BPIFB2: variants seen among roughly 807,000 people sequenced by gnomAD.
BPIFB2 encodes the protein BPI fold containing family B member 2.
BPIFB2 carries 39 observed loss-of-function variants against 50.1 expected under a neutral mutation model. That is an observed-to-expected ratio of 0.78 (90% confidence interval 0.60 to 1.02). The LOEUF (loss-of-function observed/expected upper bound fraction) is 1.02, where lower values mean the gene tolerates loss of function less well. Among genes scored for constraint, BPIFB2 ranks in the 50% least tolerant of loss-of-function variants. The pLI is 0.00. For missense variants in BPIFB2, 574 were observed against 585.8 expected (o/e 0.98, Z 0.21); for synonymous variants, 280 against 256.3 (o/e 1.09, Z -0.88).
chr20:33,020,509 A>G (rs764461475), intron 12 of BPIFB2, 33 bp from the exon 13 acceptor site: 2 of 1,600,906 alleles, frequency 1.2e-6, no homozygotes, highest in South Asian at 2.2e-5. Flanking sequence ...GAGGTGCCAG[A>G]CCCTGTCCTG....
intron 13 of BPIFB2, 51 bp downstream of exon 13, chr20:33,020,638 C>A (rs754057923): frequency 1.3e-6 from 2 of 1,523,994 alleles, no homozygotes; most frequent in African/African-American, 1.4e-5. Context: ...GTAGGGCACA[C>A]CTTGAGCCTG....
intron 2 of BPIFB2, 47 bp from the exon 3 acceptor site, chr20:33,010,977 G>T (rs1444366924): frequency 6.6e-7 from 1 of 1,514,034 alleles, no homozygotes; most frequent in South Asian, 1.1e-5. Context: ...CTTGCTACTT[G>T]GTGGTTCCCG....
At chr20:33,020,819 T>A (rs1978636839) in intron 13 of BPIFB2, among the ~76,000 whole-genome samples, 1 of 152,220 alleles carries the variant, frequency 6.6e-6, no homozygotes, top group Non-Finnish European at 1.5e-5. Flanking sequence ...CATTGGTCAG[T>A]TGGACAAAGA....
chr20:33,012,634 C>T (rs1401495049), intron 3 of BPIFB2, among the ~76,000 whole-genome samples, 169 bp from the exon 4 acceptor site: 1 of 152,170 alleles, frequency 6.6e-6, no homozygotes, highest in African/African-American at 2.4e-5. Context: ...CCTTGGTTTG[C>T]ATGCCCCGTG....
Position 33,023,593 on chromosome 20 carries a change from T to G in BPIFB2, c.*210T>G. The G allele has an allele frequency of 2.3e-5, 14 of 616,592 alleles. No homozygotes were observed. The highest frequency in any genetic ancestry group is 5.0e-5 in the Admixed American group (2 of 40,308). 38.2% of individuals were successfully genotyped at this position (616,592 alleles called of 1,614,324 possible). ...CTTCCTCCTCCTCTTCTCCTCCCTC[T>G]TCCCTCATCTCCCCCCTCCTTCCTC... On this transcript the variant is annotated 3_prime_UTR_variant, in exon 16 of 16. Transcript: ENST00000170150.
intron 10 of BPIFB2, 136 bp downstream of exon 10, chr20:33,019,251 C>A: frequency 9.4e-7 from 1 of 1,062,660 alleles, no homozygotes; most frequent in Non-Finnish European, 1.4e-6. Context: ...ACTCCTCCAT[C>A]TTGGGGAGGC....
At chr20:33,017,985 A>G (rs1390979298) in intron 7 of BPIFB2, among the ~76,000 whole-genome samples, 2 of 152,172 alleles carry the variant, frequency 1.3e-5, no homozygotes, top group Non-Finnish European at 2.9e-5. Context: ...ACTTGGGGTC[A>G]CTAGTCTCCC....
intron 11 of BPIFB2, 56 bp downstream of exon 11, chr20:33,019,806 C>T (rs1362633251): frequency 6.7e-7 from 1 of 1,498,134 alleles, no homozygotes; most frequent in African/African-American, 1.4e-5. Context: ...ACCTCCCTCC[C>T]TGCTTCACTG....
chr20:33,008,776 A>G, intron 2 of BPIFB2, 93 bp downstream of exon 2: 1 of 1,060,566 alleles, frequency 9.4e-7, no homozygotes, highest in Non-Finnish European at 1.3e-6. Context: ...CAAAAGGCCC[A>G]TGAGGACCCA....
intron 13 of BPIFB2, among the ~76,000 whole-genome samples, 195 bp from the exon 14 acceptor site, chr20:33,021,086 A>G (rs1332214677): frequency 2.0e-5 from 3 of 152,186 alleles, no homozygotes; most frequent in Non-Finnish European, 2.9e-5. Context: ...GCGAAGGCTG[A>G]GCCAACCATG....
chr20:33,009,699 A>G lies in BPIFB2; in HGVS notation c.109+1016A>G, dbSNP rs531431851. 6.6e-6 allele frequency among the ~76,000 whole-genome samples: 1 copy of G among 152,364 alleles called. No individual in the cohort carries two copies. The highest frequency in any genetic ancestry group is 1.9e-4 in the East Asian group (1 of 5,174). ...ATGGATGCCTGCAGGTAGGGCCATG[A>G]GGCCCGCGCCCTCCGCCGCCTTCCT... On this transcript the variant is annotated intron_variant, in intron 2 of 15. Transcript: ENST00000170150. This position sits in a 1 kb window ranked among gnomAD's most constrained non-coding sequence, Gnocchi z 4.2.
chr20:33,020,953 G>A (rs1568979750), intron 13 of BPIFB2, among the ~76,000 whole-genome samples: 2 of 152,148 alleles, frequency 1.3e-5, no homozygotes, highest in Non-Finnish European at 2.9e-5. Context: ...CTGTCTGTCG[G>A]TCATCTGCGT....
chr20:33,012,155 T>G (rs576398027), intron 3 of BPIFB2, among the ~76,000 whole-genome samples: 2 of 152,164 alleles, frequency 1.3e-5, no homozygotes, highest in South Asian at 4.1e-4. Flanking sequence ...GGTGGAGAAC[T>G]GGACATAAAT....
chr20:33,022,482 C>A (rs1244530943), intron 15 of BPIFB2, among the ~76,000 whole-genome samples: 1 of 152,164 alleles, frequency 6.6e-6, no homozygotes, highest in African/African-American at 2.4e-5. Flanking sequence ...CACAGAGGAG[C>A]AGGGCTCTGT....
chr20:33,016,268 G>T lies in BPIFB2; in HGVS notation c.516+772G>T, dbSNP rs185919797. ...AGATGAGAAAACCGAGGCTCGAGGG[G>T]TGAAGGTGGGGCAGCTCCTCTTGAG... On this transcript the variant is annotated intron_variant, in intron 6 of 15. Transcript: ENST00000170150. Among the ~76,000 whole-genome samples, 6 of 152,300 alleles carry T rather than the reference G, an allele frequency of 3.9e-5. No individual in the cohort carries two copies. In the East Asian group the frequency reaches 1.2e-3, roughly 29 times the overall value.
chr20:33,013,580 G>A (rs950227209), intron 4 of BPIFB2, among the ~76,000 whole-genome samples: 1 of 152,174 alleles, frequency 6.6e-6, no homozygotes, highest in East Asian at 1.9e-4. Context: ...GAGAGGCTCC[G>A]GACAGCCAGT....
rs764014348 is a variant in BPIFB2 at position 33,009,559 on chromosome 20, G to A, written c.109+876G>A. On this transcript the variant is annotated intron_variant, in intron 2 of 15. Transcript: ENST00000170150. This position sits in a 1 kb window ranked among gnomAD's most constrained non-coding sequence, Gnocchi z 4.2. ...CATGAAGCAGTGGCTCAGGGAAGTA[G>A]CAGGTTTCCCCCACCCCTGGGTAAA... 6.6e-6 allele frequency among the ~76,000 whole-genome samples: 1 copy of A among 152,204 alleles called. No individual in the cohort carries two copies. The highest frequency in any genetic ancestry group is 1.5e-5 in the Non-Finnish European group (1 of 68,042).
Position 33,018,779 on chromosome 20 carries a change from T to C in BPIFB2, c.812T>C (p.Leu271Pro), listed in dbSNP as rs367964762. The C allele has an allele frequency of 3.7e-5, 59 of 1,613,922 alleles. No homozygotes were observed. Among genetic ancestry groups the C allele is most frequent in the Non-Finnish European group, 4.7e-5 (55 of 1,179,998 alleles). Reference sequence around the variant, plus strand: ...CTGTTTGACTCTGCGCTCCTGCTGCTGCAGAAGGCCGGTGCCCTCAACCTG... The same window carrying C: ...CTGTTTGACTCTGCGCTCCTGCTGCCGCAGAAGGCCGGTGCCCTCAACCTG... ...QQLFDSALLL[L>P]QKAGALNLDI... is the part of the protein sequence containing the mutation. Residue 271 changes from leucine (L) to proline (P), a missense_variant, in exon 9 of 16, where the codon CTG becomes CCG. Physicochemically the swap from Leu to Pro is moderately conservative, Grantham distance 98 (BLOSUM62 -3). Transcript: ENST00000170150.
At chr20:33,012,668 C>CCCT (rs1990303769) in intron 3 of BPIFB2, 135 bp from the exon 4 acceptor site, 2 of 726,976 alleles carry the variant, frequency 2.8e-6, no homozygotes, top group Admixed American at 4.3e-5. Flanking sequence ...CACCATCTTC[C>CCCT]CCTTACCTCA....
Sources: allele counts gnomAD v4.1 joint callset (sites outside exome capture counted in the v4.1 genomes callset), GRCh38; gene constraint gnomAD v4.1.1; non-coding constraint Gnocchi (gnomAD v3.1); transcripts MANE v1.5; gene names NCBI Gene and HGNC (gene_info 2026-07-23, HGNC 2026-07-21).